The following AMN1 variants were observed in gnomAD, a reference collection of about 807,000 sequenced individuals.
AMN1 encodes protein AMN1 homolog.
AMN1 carries 20 observed loss-of-function variants against 33.0 expected under a neutral mutation model. The observed-to-expected ratio is 0.61, with a 90% confidence interval of 0.43 to 0.88. AMN1 has a LOEUF of 0.88. Among genes scored for constraint, AMN1 ranks in the 40% least tolerant of loss-of-function variants. The pLI is 0.00. For synonymous variants in AMN1, 114 were observed against 111.9 expected (o/e 1.02, Z -0.12); for missense variants, 246 against 307.4 (o/e 0.80, Z 1.49).
chr12:31,672,572 C>A, intron 6 of AMN1, 195 bp from the exon 7 acceptor site: 1 of 493,496 alleles, frequency 2.0e-6, no homozygotes, highest in Non-Finnish European at 3.6e-6. Flanking sequence ...AGGTGTAGTG[C>A]ACCTATCATG....
upstream of AMN1, chr12:31,729,034 G>A (rs1355505704): frequency 2.0e-6 from 3 of 1,537,370 alleles, no homozygotes; most frequent in South Asian, 1.2e-5. Flanking sequence ...AGCCTCTTCC[G>A]CGGTCCCAGG....
intron 2 of AMN1, among the ~76,000 whole-genome samples, 171 bp from the exon 3 acceptor site, chr12:31,702,178 C>T (rs1939035181): frequency 1.3e-5 from 2 of 152,322 alleles, no homozygotes; most frequent in African/African-American, 2.4e-5. Context: ...GAGAAAACCA[C>T]TTCTACTTCC....
At chr12:31,697,593 A>G in intron 4 of AMN1, 147 bp downstream of exon 4, 1 of 1,024,028 alleles carries the variant, frequency 9.8e-7, no homozygotes, top group Non-Finnish European at 1.5e-6. Flanking sequence ...GCCAATATAT[A>G]TCTCAATTAC....
chr12:31,673,286 T>C (rs1021141917), intron 6 of AMN1, among the ~76,000 whole-genome samples: 4 of 150,504 alleles, frequency 2.7e-5, no homozygotes, highest in African/African-American at 9.7e-5. Context: ...GCCCAACATA[T>C]ACAGTGACAA....
intron 5 of AMN1, among the ~76,000 whole-genome samples, chr12:31,693,555 T>C (rs1263724921): frequency 3.3e-5 from 5 of 151,682 alleles, no homozygotes; most frequent in African/African-American, 1.2e-4. Context: ...TTTTCTTTTT[T>C]TTTTTAGATG....
At chr12:31,713,886 C>T (rs2139717070) in intron 1 of AMN1, among the ~76,000 whole-genome samples, 1 of 152,066 alleles carries the variant, frequency 6.6e-6, no homozygotes, top group East Asian at 1.9e-4. Flanking sequence ...AAATTAAAGC[C>T]ACTTTTATAT....
At chr12:31,699,395 C>CAAAAAAAAAAAAAAAAA in intron 3 of AMN1, among the ~76,000 whole-genome samples, 7 of 36,866 alleles carry the variant, frequency 1.9e-4, no homozygotes, top group Admixed American at 7.5e-4. Flanking sequence ...GACTCTGTCT[C>CAAAAAAAAAAAAAAAAA]AAAAAAAAAA....
At chr12:31,709,743 C>T (rs183628530) in intron 1 of AMN1, among the ~76,000 whole-genome samples, 37 of 152,192 alleles carry the variant, frequency 2.4e-4, no homozygotes, top group African/African-American at 6.5e-4. Flanking sequence ...GTGGGAGGAT[C>T]GCTTGGGCCC....
intron 6 of AMN1, among the ~76,000 whole-genome samples, chr12:31,680,343 G>A (rs1937948929): frequency 6.6e-6 from 1 of 151,694 alleles, no homozygotes. Flanking sequence ...TGGGATTATA[G>A]GCACCCGTCA....
chr12:31,728,757 G>GGA (rs1940183654), intron 1 of AMN1, among the ~76,000 whole-genome samples: 1 of 152,196 alleles, frequency 6.6e-6, no homozygotes, highest in African/African-American at 2.4e-5. Context: ...GCGGAGTGTT[G>GGA]GAGGGGCAAG....
intron 6 of AMN1, among the ~76,000 whole-genome samples, chr12:31,680,141 T>C (rs1937935228): frequency 6.6e-6 from 1 of 151,614 alleles, no homozygotes; most frequent in African/African-American, 2.4e-5. Context: ...AAAAAAGATT[T>C]AGTAAGTTTA....
chr12:31,711,004 G>A (rs1939444865), intron 1 of AMN1, among the ~76,000 whole-genome samples: 1 of 152,036 alleles, frequency 6.6e-6, no homozygotes, highest in Admixed American at 6.6e-5. Flanking sequence ...CTGCCTCCCA[G>A]GTTCAAGCAA....
At chr12:31,675,014 C>A (rs1421477426) in intron 6 of AMN1, among the ~76,000 whole-genome samples, 1 of 136,858 alleles carries the variant, frequency 7.3e-6, no homozygotes, top group East Asian at 2.3e-4. Context: ...ACAGCAAGAC[C>A]CAGTGTCAAA....
At chr12:31,684,239 A>G (rs769229977) in intron 6 of AMN1, among the ~76,000 whole-genome samples, 6 of 152,180 alleles carry the variant, frequency 3.9e-5, no homozygotes, top group Non-Finnish European at 7.3e-5. Flanking sequence ...TATGTTTTCA[A>G]GTTCCACATT....
Position 31,697,897 on chromosome 12 carries a change from C to A in AMN1, c.377G>T (p.Cys126Phe). The A allele has an allele frequency of 6.2e-7, 1 of 1,614,026 alleles. No individual in the cohort carries two copies. The highest frequency in any genetic ancestry group is 8.5e-7 in the Non-Finnish European group (1 of 1,179,890). Reference protein sequence around the residue: ...YLHEASLKRCCNLTDEGVVAL... With the variant: ...YLHEASLKRCFNLTDEGVVAL... Reference sequence around the variant, plus strand: ...AACGACTCCTTCGTCAGTGAGATTGCAGCATCTTTTCAAAGAAGCTTCGTG... The same window carrying A: ...AACGACTCCTTCGTCAGTGAGATTGAAGCATCTTTTCAAAGAAGCTTCGTG... The change falls in exon 4 of 7, where the codon TGC becomes TTC. Residue 126 changes from cysteine (C) to phenylalanine (F), a missense_variant. Physicochemically the swap from Cys to Phe is radical, Grantham distance 205 (BLOSUM62 -2). Transcript: ENST00000281471.
chr12:31,675,804 G>T (rs774225881), intron 6 of AMN1, among the ~76,000 whole-genome samples: 3 of 151,684 alleles, frequency 2.0e-5, no homozygotes, highest in Admixed American at 1.3e-4. Flanking sequence ...ACCGTTACCC[G>T]CCAGGATGTC....
chr12:31,702,603 GAAAAT>G (rs1210080417), intron 2 of AMN1, among the ~76,000 whole-genome samples: 6 of 151,652 alleles, frequency 4.0e-5, no homozygotes, highest in African/African-American at 7.3e-5. Flanking sequence ...TTACCTTTCT[GAAAAT>G]AAAATAAGGT....
chr12:31,696,014 G>A (rs926318653), intron 5 of AMN1, among the ~76,000 whole-genome samples: 1 of 151,684 alleles, frequency 6.6e-6, no homozygotes, highest in African/African-American at 2.4e-5. Context: ...AGGTCGAGGG[G>A]GGCGGATCAC....
intron 1 of AMN1, among the ~76,000 whole-genome samples, chr12:31,725,412 T>G (rs1211500374): frequency 6.6e-6 from 1 of 152,194 alleles, no homozygotes; most frequent in Admixed American, 6.5e-5. Flanking sequence ...GGGAGACGGG[T>G]GGATATCCCA....
Sources: allele counts gnomAD v4.1 joint callset (sites outside exome capture counted in the v4.1 genomes callset), GRCh38; gene constraint gnomAD v4.1.1; transcripts MANE v1.5; gene names NCBI Gene and HGNC (gene_info 2026-07-23, HGNC 2026-07-21).